Variants in MYO15A observed in about 807,000 individuals in gnomAD.
MYO15A encodes unconventional myosin-XV.
A neutral mutation model predicts 394.6 loss-of-function variants in MYO15A; 308 were observed. The observed-to-expected ratio is 0.78, with a 90% CI of 0.71 to 0.86. The LOEUF is 0.86. MYO15A is among the 40% of genes least tolerant of loss of function. The probability of loss-of-function intolerance (pLI) is 0.00; values close to 1 mark genes in which losing one functional copy is unlikely to be tolerated. For missense variants in MYO15A, 4,606 were observed against 4,799.1 expected (o/e 0.96, Z 1.19); for synonymous variants, 1,957 against 2,003.8 (o/e 0.98, Z 0.62).
At chr17:18,161,292 C>T (rs1333193757) in intron 56 of MYO15A, 25 bp from the exon 57 acceptor site, 1 of 1,612,388 alleles carries the variant, frequency 6.2e-7, no homozygotes, top group African/African-American at 1.3e-5. Flanking sequence ...GCCACCTCTG[C>T]TGTAGCCCCC....
At chr17:18,162,807 C>A (rs995777173) in intron 58 of MYO15A, 128 bp downstream of exon 58, 4 of 944,762 alleles carry the variant, frequency 4.2e-6, no homozygotes, top group Non-Finnish European at 6.6e-6. Flanking sequence ...CGAGACCAGC[C>A]TGGCCAACAT....
chr17:18,115,604 C>T (rs77945657), intron 1 of MYO15A, among the ~76,000 whole-genome samples: 340 of 152,064 alleles, frequency 2.2e-3, no homozygotes, highest in African/African-American at 7.2e-3. Context: ...AGCAGCACAG[C>T]GAGACTCTGT....
intron 1 of MYO15A, among the ~76,000 whole-genome samples, chr17:18,112,741 G>T (rs1303751663): frequency 1.3e-5 from 2 of 151,386 alleles, no homozygotes; most frequent in African/African-American, 2.4e-5. Context: ...CATTTTTTTT[G>T]GTTTTTGACT....
chr17:18,175,831 C>T (rs1294013992), intron 65 of MYO15A, among the ~76,000 whole-genome samples: 1 of 152,160 alleles, frequency 6.6e-6, no homozygotes, highest in Non-Finnish European at 1.5e-5. Context: ...CTTCCCATCC[C>T]TGTCCCTTCC....
At position 18,148,258 on chromosome 17, in the gene MYO15A, GCCCA is replaced by G; in HGVS notation, c.6691+49_6691+52del. ...AGTGAGGGCAGTGGGAGTCAGCAGGGCCCAGTGAGCCCCGGGGATGGCAGAAGCC... is the reference window on the plus strand; with the variant it reads ...AGTGAGGGCAGTGGGAGTCAGCAGGGGTGAGCCCCGGGGATGGCAGAAGCC... On this transcript the variant is annotated intron_variant, in intron 31 of 65. Transcript: ENST00000647165. This position sits in a 1 kb window ranked among gnomAD's most constrained non-coding sequence, Gnocchi z 4.8. 3 of 1,608,300 alleles carry G rather than the reference GCCCA, an allele frequency of 1.9e-6. No individual in the cohort carries two copies. The South Asian group carries it at 3.3e-5, about 18-fold the overall frequency.
intron 1 of MYO15A, 190 bp downstream of exon 1, chr17:18,109,014 A>G (rs929448413): frequency 6.6e-6 from 1 of 152,354 alleles, no homozygotes; most frequent in Non-Finnish European, 1.5e-5. Context: ...CCTCCTGGCG[A>G]TGGTGGGATA....
intron 60 of MYO15A, 69 bp from the exon 61 acceptor site, chr17:18,166,292 C>G (rs2046852754): frequency 1.3e-6 from 2 of 1,589,806 alleles, no homozygotes; most frequent in Non-Finnish European, 1.7e-6. Context: ...TGCACACATG[C>G]TCTGTACAGG....
rs368626583 is a variant in MYO15A at position 18,120,370 on chromosome 17, G to A, written c.1570G>A (p.Ala524Thr). The A allele has an allele frequency of 6.2e-7, 1 of 1,611,750 alleles. No individual in the cohort carries two copies. The highest frequency in any genetic ancestry group is 8.5e-7 in the Non-Finnish European group (1 of 1,179,878). Residue 524 changes from alanine to threonine, a missense_variant, in exon 2 of 66, where the codon GCT (alanine) becomes ACT (threonine). This residue lies in a region of MYO15A where 1,830 missense variants were observed against 1,689.7 expected (regional missense o/e 1.08). Transcript: ENST00000647165. Reference protein sequence around the residue: ...EDEEELPPVSAVPYGHPFWGF... With the variant: ...EDEEELPPVSTVPYGHPFWGF... ...CGAGGAGGAGCTGCCCCCGGTTTCCGCTGTGCCCTACGGCCACCCTTTCTG... is the reference window on the plus strand; with the variant it reads ...CGAGGAGGAGCTGCCCCCGGTTTCCACTGTGCCCTACGGCCACCCTTTCTG...
In MYO15A at chr17:18,150,785, C is replaced by T. The variant is rs1192470809; in HGVS notation, c.7395+20C>T. The T allele has an allele frequency of 1.9e-6, 3 of 1,580,794 alleles. No homozygotes were observed. Among genetic ancestry groups the T allele is most frequent in the Non-Finnish European group, 2.6e-6 (3 of 1,162,518 alleles). On this transcript the variant is annotated intron_variant, in intron 37 of 65. Transcript: ENST00000647165. This position sits in a 1 kb window ranked among gnomAD's most constrained non-coding sequence, Gnocchi z 4.4. ...CTGCTGGTGAGTGAGGGAGGGACTG[C>T]TGGGGGGTGGAGAATGGACCTGCCT...
Position 18,153,034 on chromosome 17 carries a change from G to T in MYO15A, c.7967-741G>T, listed in dbSNP as rs2142374487. On this transcript the variant is annotated intron_variant, in intron 42 of 65. Transcript: ENST00000647165. This position sits in a 1 kb window ranked among gnomAD's most constrained non-coding sequence, Gnocchi z 4.1. Reference sequence around the variant, plus strand: ...TCTGTGCCACCCACACCTGCCATGGGCACTAAACTCCAGGGCAGGGGCATT... The same window carrying T: ...TCTGTGCCACCCACACCTGCCATGGTCACTAAACTCCAGGGCAGGGGCATT... Among the ~76,000 whole-genome samples the T allele has an allele frequency of 6.6e-6, 1 of 152,324 alleles. No individual in the cohort carries two copies. Among genetic ancestry groups the T allele is most frequent in the East Asian group, 1.9e-4 (1 of 5,188 alleles).
rs748581778 is a variant in MYO15A at position 18,121,573 on chromosome 17, C to A, written c.2773C>A (p.Leu925Met). The change falls in exon 2 of 66, where the codon CTG (leucine) becomes ATG (methionine). Residue 925 changes from leucine to methionine, a missense_variant. This residue lies in a region of MYO15A where 1,830 missense variants were observed against 1,689.7 expected (regional missense o/e 1.08). Transcript: ENST00000647165. The surrounding 1 kb of genome is among the most constrained non-coding windows in gnomAD (Gnocchi z 5.3). ...DSETPWTVPP[L>M]APSWDVDMPP... ...AGAGACGCCCTGGACTGTGCCCCCA[C>A]TGGCCCCCAGCTGGGACGTGGACAT... 2 of 1,594,060 alleles carry A rather than the reference C, an allele frequency of 1.3e-6. No homozygotes were observed. Among genetic ancestry groups the A allele is most frequent in the South Asian group, 2.3e-5 (2 of 87,758 alleles).
Position 18,127,144 on chromosome 17 carries a change from G to A in MYO15A, c.4011G>A (p.Gln1337=). 6.2e-7 allele frequency: 1 copy of A among 1,614,076 alleles called. No homozygotes were observed. Among genetic ancestry groups the A allele is most frequent in the East Asian group, 2.2e-5 (1 of 44,886 alleles). The change falls in exon 7 of 66, where the codon CAG becomes CAA. Residue 1337 remains glutamine, a synonymous_variant. Coordinates refer to ENST00000647165, the MANE Select transcript of MYO15A (RefSeq NM_016239.4). The stretch of plus-strand genomic sequence containing the variant: ...TGCGCTACCTGGCCGCCATGAACCA[G>A]AAACGGGAGGTCATGCAGCAGGTGA... ...LILRYLAAMN[Q]KREVMQQIKI...
chr17:18,125,393 CT>C, intron 4 of MYO15A, 162 bp downstream of exon 4: 1 of 727,240 alleles, frequency 1.4e-6, no homozygotes, highest in Non-Finnish European at 2.4e-6. Context: ...AAAACACAGT[CT>C]TAGAATGGTG....
chr17:18,141,967 G>C, intron 23 of MYO15A, 112 bp from the exon 24 acceptor site: 1 of 1,399,022 alleles, frequency 7.1e-7, no homozygotes, highest in Non-Finnish European at 1.0e-6. Flanking sequence ...CTCCAGCCCC[G>C]CTCCAGGAGG....
At chr17:18,172,663 G>C (rs1269278568) in intron 64 of MYO15A, 11 of 358,880 alleles carry the variant, frequency 3.1e-5, no homozygotes, top group Non-Finnish European at 5.4e-5. Flanking sequence ...CAGCAGGTTT[G>C]GTTTCTTTGG....
rs1438628635 is a variant in MYO15A, at chr17:18,148,715, T to G, written c.6765-46T>G. 7 of 1,561,222 alleles carry G rather than the reference T, an allele frequency of 4.5e-6. No homozygotes were observed. The highest frequency in any genetic ancestry group is 1.4e-5 in the African/African-American group (1 of 73,430). On this transcript the variant is annotated intron_variant, in intron 32 of 65. Transcript: ENST00000647165. This position sits in a 1 kb window ranked among gnomAD's most constrained non-coding sequence, Gnocchi z 4.8. ...ACCCAGGATCTCCCCAGGTAGTGCC[T>G]GATGACTCTGTCCCTCATTTCCATT... is the stretch of plus-strand genomic sequence containing the variant.
chr17:18,168,046 A>G (rs1038507478), intron 62 of MYO15A, among the ~76,000 whole-genome samples: 1 of 152,268 alleles, frequency 6.6e-6, no homozygotes, highest in Non-Finnish European at 1.5e-5. Context: ...AGATTCAGCC[A>G]CAAAAGCATT....
At chr17:18,112,743 T>G (rs908394101) in intron 1 of MYO15A, among the ~76,000 whole-genome samples, 4 of 151,912 alleles carry the variant, frequency 2.6e-5, no homozygotes, top group Non-Finnish European at 5.9e-5. Context: ...TTTTTTTTGG[T>G]TTTTGACTCA....
At chr17:18,114,392 C>T (rs557092816) in intron 1 of MYO15A, among the ~76,000 whole-genome samples, 1 of 152,038 alleles carries the variant, frequency 6.6e-6, no homozygotes, top group Admixed American at 6.5e-5. Flanking sequence ...GCTGCAATTA[C>T]AGGCATGCGC....
Sources: gnomAD v4.1 joint callset for allele counts (sites outside exome capture counted in the v4.1 genomes callset) on GRCh38, gnomAD v4.1.1 for gene constraint, gnomAD v4.1.1 regional missense constraint, Gnocchi (gnomAD v3.1) non-coding constraint, MANE v1.5 for transcripts, NCBI Gene and HGNC (gene_info 2026-07-23, HGNC 2026-07-21) for gene names.